The following TRAPPC9 variants were observed in gnomAD, a reference collection of about 807,000 sequenced individuals.
TRAPPC9 encodes trafficking protein particle complex subunit 9, also known as IKK2 binding protein.
Under a neutral mutation model 124.0 loss-of-function variants are expected in TRAPPC9, and 83 were observed. The ratio of observed to expected loss-of-function variants is 0.67; its 90% confidence interval spans 0.56 to 0.80. The LOEUF (loss-of-function observed/expected upper bound fraction) is 0.80, where lower values mean the gene tolerates loss of function less well. Among genes scored for constraint, TRAPPC9 ranks in the 30% least tolerant of loss-of-function variants. The pLI is 0.00. For missense variants in TRAPPC9, 1,302 were observed against 1,508.3 expected, an observed-to-expected ratio of 0.86 and a Z score of 2.27; for synonymous variants, 638 against 617.5, an observed-to-expected ratio of 1.03 and a Z score of -0.49.
intron 19 of TRAPPC9, among the ~76,000 whole-genome samples, chr8:139,928,949 T>A (rs944593656): frequency 9.2e-5 from 14 of 151,910 alleles, no homozygotes; most frequent in South Asian, 2.1e-4. Flanking sequence ...AGACAACGCC[T>A]TGCAAGCATC....
Position 140,081,816 on chromosome 8 carries a change from T to G in TRAPPC9, c.2557-57737A>C, listed in dbSNP as rs556466268. 1.6e-4 allele frequency among the ~76,000 whole-genome samples: 25 copies of G among 152,248 alleles called. No homozygotes were observed. The South Asian group carries it at 5.2e-3, about 32-fold the overall frequency. ...CTATTCTCTCAAGACAAGGCTGCCT[T>G]CCACCCACCAGTCCATGTGCCCCTC... On this transcript the variant is annotated intron_variant, in intron 17 of 22. Transcript: ENST00000438773.
At chr8:139,862,163 G>A (rs916190196) in intron 21 of TRAPPC9, among the ~76,000 whole-genome samples, 2 of 152,234 alleles carry the variant, frequency 1.3e-5, no homozygotes, top group Non-Finnish European at 2.9e-5. Flanking sequence ...GAGCAAAAAC[G>A]GCTCTGCTGG....
At chr8:139,906,026 G>A (rs1263012739) in intron 20 of TRAPPC9, among the ~76,000 whole-genome samples, 2 of 152,028 alleles carry the variant, frequency 1.3e-5, no homozygotes, top group Admixed American at 6.5e-5. Context: ...CCCGGGAGGC[G>A]GAGATTGCAG....
At chr8:140,258,262 C>T (rs141484933) in intron 15 of TRAPPC9, among the ~76,000 whole-genome samples, 6,574 of 152,298 alleles carry the variant, frequency 0.043, 181 homozygotes, top group Non-Finnish European at 0.058. Flanking sequence ...GGAGGGTGAC[C>T]CTGTGCGACT....
In TRAPPC9 at chr8:139,890,871, T is replaced by A. The variant is rs533244249; in HGVS notation, c.2965-4902A>T. The stretch of plus-strand genomic sequence containing the variant: ...TAAAAAATAAAAAAATTTAAAAATT[T>A]AAAAAAAAAAAAGAAAATATCTGTG... On this transcript the variant is annotated intron_variant, in intron 20 of 22. Coordinates refer to ENST00000438773, the MANE Select transcript of TRAPPC9 (RefSeq NM_001160372.4). 5.6e-3 allele frequency among the ~76,000 whole-genome samples: 810 copies of A among 144,410 alleles called. 10 individuals are homozygous for A. The highest frequency in any genetic ancestry group is 0.018 in the African/African-American group (722 of 39,628). 94.7% of individuals were successfully genotyped at this position (144,410 alleles called of 152,430 possible).
intron 21 of TRAPPC9, among the ~76,000 whole-genome samples, chr8:139,882,116 A>T (rs1450781898): frequency 2.0e-5 from 3 of 152,384 alleles, no homozygotes; most frequent in African/African-American, 7.2e-5. Context: ...TCCAGGAATA[A>T]CAGAAATATC....
rs145879011 is a variant in TRAPPC9, at chr8:139,735,896, G to C, written c.3056-3694C>G. Reference sequence around the variant, plus strand: ...TTGCTACTTTCTAAGAAGAGGGGAAGGAATGTGTGGCACTTAGGTGTGAGG... The same window carrying C: ...TTGCTACTTTCTAAGAAGAGGGGAACGAATGTGTGGCACTTAGGTGTGAGG... On this transcript the variant is annotated intron_variant, in intron 21 of 22. Coordinates refer to ENST00000438773, the MANE Select transcript of TRAPPC9 (RefSeq NM_001160372.4). 7.1e-3 allele frequency among the ~76,000 whole-genome samples: 1,083 copies of C among 152,300 alleles called. 6 individuals carry two copies. Among genetic ancestry groups the C allele is most frequent in the African/African-American group, 0.025 (1,024 of 41,552 alleles).
chr8:140,364,292 CAAAAA>C (rs34616334), intron 8 of TRAPPC9, among the ~76,000 whole-genome samples: 4 of 53,060 alleles, frequency 7.5e-5, no homozygotes, highest in Admixed American at 2.1e-4. Context: ...TCAAAGGATG[CAAAAA>C]AAAAAAAAAA....
At chr8:140,432,785 T>C (rs887236621) in intron 4 of TRAPPC9, among the ~76,000 whole-genome samples, 27 of 151,422 alleles carry the variant, frequency 1.8e-4, no homozygotes, top group Admixed American at 1.3e-4. Context: ...GGCAGGAGAA[T>C]GACGTGAACC....
rs1051021220 is a variant in TRAPPC9 at position 140,149,551 on chromosome 8, C to T, written c.2556+71908G>A. Among the ~76,000 whole-genome samples the T allele has an allele frequency of 5.3e-5, 8 of 150,446 alleles. 1 individual carries two copies. Among genetic ancestry groups the T allele is most frequent in the Non-Finnish European group, 4.4e-5 (3 of 67,818 alleles). On this transcript the variant is annotated intron_variant, in intron 17 of 22. Coordinates refer to ENST00000438773, the MANE Select transcript of TRAPPC9 (RefSeq NM_001160372.4). ...AGGAGAATCACTTGAGCCCAGGAGG[C>T]GGAGGTAGTGGTGAGCTGAGAGAGA...
intron 9 of TRAPPC9, among the ~76,000 whole-genome samples, chr8:140,324,937 C>T (rs1445192594): frequency 1.3e-5 from 2 of 152,056 alleles, no homozygotes; most frequent in Non-Finnish European, 2.9e-5. Context: ...GGAAAATCCA[C>T]CAAGACAGAC....
intron 14 of TRAPPC9, among the ~76,000 whole-genome samples, chr8:140,278,776 G>A (rs562107720): frequency 2.0e-5 from 3 of 152,284 alleles, no homozygotes; most frequent in Admixed American, 6.5e-5. Context: ...GGGCACCCGC[G>A]ACTCCCATCC....
chr8:140,211,782 C>T (rs1196870176), intron 17 of TRAPPC9, among the ~76,000 whole-genome samples: 1 of 152,206 alleles, frequency 6.6e-6, no homozygotes, highest in East Asian at 1.9e-4. Context: ...TGGAGAGGGG[C>T]TGTCTGGCCT....
intron 11 of TRAPPC9, among the ~76,000 whole-genome samples, chr8:140,297,318 G>C (rs1246128459): frequency 2.0e-5 from 3 of 150,708 alleles, no homozygotes; most frequent in African/African-American, 7.4e-5. Context: ...ACACACACAT[G>C]CATGCACACA....
chr8:139,980,978 C>T (rs1836855443), intron 19 of TRAPPC9, among the ~76,000 whole-genome samples: 1 of 152,220 alleles, frequency 6.6e-6, no homozygotes. Flanking sequence ...GAAAGCCAAT[C>T]AAGTCATCCT....
At position 140,036,755 on chromosome 8, in the gene TRAPPC9, C is replaced by T. The variant is rs185805735; in HGVS notation, c.2557-12676G>A. On this transcript the variant is annotated intron_variant, in intron 17 of 22. Coordinates refer to ENST00000438773, the MANE Select transcript of TRAPPC9 (RefSeq NM_001160372.4). ...AGAGAGAGAGCAGGAGCCAGCGGAGCGACCCTCACCTGATGCCTGGGGTTC... is the reference window on the plus strand; with the variant it reads ...AGAGAGAGAGCAGGAGCCAGCGGAGTGACCCTCACCTGATGCCTGGGGTTC... Among the ~76,000 whole-genome samples the T allele has an allele frequency of 2.3e-3, 352 of 152,280 alleles. 4 individuals are homozygous for T. Among genetic ancestry groups the T allele is most frequent in the Non-Finnish European group, 1.9e-3 (127 of 68,016 alleles).
At chr8:139,920,319 C>T (rs1832430488) in intron 19 of TRAPPC9, among the ~76,000 whole-genome samples, 1 of 152,240 alleles carries the variant, frequency 6.6e-6, no homozygotes, top group Admixed American at 6.5e-5. Flanking sequence ...GCACTCCAGC[C>T]TGAGTGATAG....
In TRAPPC9 at chr8:140,091,128, G is replaced by C. The variant is rs181657031; in HGVS notation, c.2557-67049C>G. 4.0e-3 allele frequency among the ~76,000 whole-genome samples: 611 copies of C among 152,244 alleles called. 2 individuals carry two copies. Among genetic ancestry groups the C allele is most frequent in the Middle Eastern group, 0.034 (10 of 294 alleles). On this transcript the variant is annotated intron_variant, in intron 17 of 22. Coordinates refer to ENST00000438773, the MANE Select transcript of TRAPPC9 (RefSeq NM_001160372.4). ...CACATCCCTTCTTAATGAAAGCAGAGGCACAGTGAGACGCAATAGCTCATC... is the reference window on the plus strand; with the variant it reads ...CACATCCCTTCTTAATGAAAGCAGACGCACAGTGAGACGCAATAGCTCATC...
intron 21 of TRAPPC9, among the ~76,000 whole-genome samples, chr8:139,757,038 C>T (rs1190666431): frequency 5.0e-5 from 6 of 120,062 alleles, no homozygotes; most frequent in South Asian, 3.0e-4. Context: ...GACAGCAGGT[C>T]GCAGGAGGAG....
Sources: gnomAD v4.1 joint callset for allele counts (sites outside exome capture counted in the v4.1 genomes callset) on GRCh38, gnomAD v4.1.1 for gene constraint, MANE v1.5 for transcripts, NCBI Gene and HGNC (gene_info 2026-07-23, HGNC 2026-07-21) for gene names.